The following CACNA1C variants were observed in gnomAD, a reference collection of about 807,000 sequenced individuals.
The protein encoded by CACNA1C is calcium voltage-gated channel subunit alpha1 C.
CACNA1C carries 30 observed loss-of-function variants against 229.0 expected under a neutral mutation model. That is an observed-to-expected ratio of 0.13 (90% CI 0.10 to 0.18). The LOEUF (loss-of-function observed/expected upper bound fraction) is 0.18. CACNA1C is among the 10% of genes least tolerant of loss of function. CACNA1C has a pLI of 1.00. For synonymous variants in CACNA1C, 1,114 were observed against 1,132.5 expected (o/e 0.98, Z 0.33); for missense variants, 1,658 against 2,845.0 (o/e 0.58, Z 9.49).
At chr12:2,516,139 A>G (rs927147888) in intron 9 of CACNA1C, among the ~76,000 whole-genome samples, 1 of 152,150 alleles carries the variant, frequency 6.6e-6, no homozygotes, top group Non-Finnish European at 1.5e-5. Flanking sequence ...GCAGCATTGG[A>G]ATAAAGACGT....
intron 1 of CACNA1C, among the ~76,000 whole-genome samples, chr12:2,056,367 T>G (rs570183572): frequency 6.6e-6 from 1 of 152,290 alleles, no homozygotes; most frequent in Admixed American, 6.5e-5. Context: ...TCTGGTGCCC[T>G]GTCTGCTCTG....
upstream of CACNA1C, among the ~76,000 whole-genome samples, chr12:2,050,961 G>A (rs2052055858): frequency 6.6e-6 from 1 of 152,106 alleles, no homozygotes; most frequent in Non-Finnish European, 1.5e-5. Context: ...TCTAGGCACT[G>A]GTGAACAAAA....
Position 2,004,624 on chromosome 12 carries a change from C to T in CACNA1C, c.139+33423C>T, listed in dbSNP as rs1406482380. 7.5e-5 allele frequency: 57 copies of T among 758,652 alleles called. No homozygotes were observed. In the East Asian group the frequency reaches 1.5e-3, roughly 21 times the overall value. 47.0% of individuals were successfully genotyped at this position (758,652 alleles called of 1,614,324 possible). ...TCACTAATCGATGGCCGCGCCCCGC[C>T]CACTGAGGATCGTTGCCACTGGCAA... On this transcript the variant is annotated intron_variant, in intron 1 of 46. Coordinates refer to the CACNA1C transcript ENST00000682462.
intron 3 of CACNA1C, among the ~76,000 whole-genome samples, chr12:2,350,625 G>A (rs115486782): frequency 1.4e-3 from 206 of 152,346 alleles, no homozygotes; most frequent in African/African-American, 4.3e-3. Flanking sequence ...TGAAGAGCCC[G>A]AATGCCTGGA....
rs1399040981 is a variant in CACNA1C, at chr12:2,693,252, TGAGGTGCAGG to T, written c.*2058_*2067del. The T allele has an allele frequency of 1.3e-5, 2 of 152,190 alleles. No individual in the cohort carries two copies. The highest frequency in any genetic ancestry group is 2.9e-5 in the Non-Finnish European group (2 of 68,030). The allele number at this position is 152,190 out of a possible 1,614,324, so 9.4% of individuals were successfully genotyped here. ...CTTCTCCAAGAACAGCCCTTCACTGTGAGGTGCAGGGAGGCGTTCTGATGAGCCCTCAGTC... is the reference window on the plus strand; with the variant it reads ...CTTCTCCAAGAACAGCCCTTCACTGTGAGGCGTTCTGATGAGCCCTCAGTC... On this transcript the variant is annotated 3_prime_UTR_variant, in exon 47 of 47. Coordinates refer to ENST00000399655, the MANE Select transcript of CACNA1C (RefSeq NM_000719.7).
intron 1 of CACNA1C, among the ~76,000 whole-genome samples, chr12:2,031,876 A>G (rs2048282186): frequency 6.6e-6 from 1 of 152,104 alleles, no homozygotes; most frequent in African/African-American, 2.4e-5. Flanking sequence ...CAGGAGAGAG[A>G]GGGCAGCTGT....
intron 3 of CACNA1C, among the ~76,000 whole-genome samples, chr12:2,264,761 CAA>C (rs1471518336): frequency 6.6e-6 from 1 of 152,224 alleles, no homozygotes; most frequent in Non-Finnish European, 1.5e-5. Flanking sequence ...AGTACTTCCT[CAA>C]GAGATATCTT....
chr12:2,613,204 T>A (rs529712719), intron 29 of CACNA1C: 1 of 152,350 alleles, frequency 6.6e-6, no homozygotes, highest in Admixed American at 6.5e-5. Context: ...CCATATCATG[T>A]GCTACATGTA....
chr12:2,300,877 G>C (rs765228689), intron 3 of CACNA1C, among the ~76,000 whole-genome samples: 2 of 152,164 alleles, frequency 1.3e-5, no homozygotes, highest in African/African-American at 4.8e-5. Flanking sequence ...GAAACTACAA[G>C]CAAATCCAAA....
intron 3 of CACNA1C, among the ~76,000 whole-genome samples, chr12:2,176,834 C>T (rs2096660193): frequency 6.6e-6 from 1 of 152,162 alleles, no homozygotes; most frequent in African/African-American, 2.4e-5. Context: ...TCACTTGACC[C>T]ATCTTCTTTC....
intron 3 of CACNA1C, among the ~76,000 whole-genome samples, chr12:2,428,325 CCTTTCAG>C (rs1189854571): frequency 6.6e-6 from 1 of 152,228 alleles, no homozygotes; most frequent in Non-Finnish European, 1.5e-5. Context: ...TCCTCCCCTG[CCTTTCAG>C]CTTTCTCTTC....
chr12:2,475,082 G>A (rs1189075198), intron 5 of CACNA1C, among the ~76,000 whole-genome samples: 3 of 152,064 alleles, frequency 2.0e-5, no homozygotes, highest in South Asian at 2.1e-4. Context: ...GGCGGATCAC[G>A]AGGTCAGGAG....
chr12:2,509,722 CA>C (rs1022679395), intron 8 of CACNA1C, among the ~76,000 whole-genome samples: 2 of 152,056 alleles, frequency 1.3e-5, no homozygotes, highest in African/African-American at 4.8e-5. Context: ...ACAAAAAGCA[CA>C]AAAATGAGAA....
At chr12:2,418,485 A>G (rs970766553) in intron 3 of CACNA1C, among the ~76,000 whole-genome samples, 4 of 152,032 alleles carry the variant, frequency 2.6e-5, no homozygotes, top group Non-Finnish European at 5.9e-5. Context: ...AGCCCTGCCC[A>G]CAGCAGACTG....
chr12:2,019,512 GAA>G, intron 1 of CACNA1C, among the ~76,000 whole-genome samples: 2 of 147,262 alleles, frequency 1.4e-5, no homozygotes, highest in Non-Finnish European at 3.0e-5. Context: ...AGGGAGGGAG[GAA>G]GGAAGGAAGG....
chr12:2,153,744 A>G (rs530919110), intron 3 of CACNA1C, among the ~76,000 whole-genome samples: 1 of 152,204 alleles, frequency 6.6e-6, no homozygotes, highest in East Asian at 1.9e-4. Flanking sequence ...GGCTCTCCTC[A>G]TTTCATCTTT....
chr12:2,550,565 G>A (rs1340045573), intron 10 of CACNA1C: 66 of 1,351,718 alleles, frequency 4.9e-5, no homozygotes, highest in Non-Finnish European at 6.5e-5. Context: ...GAAGTGCAGT[G>A]GAGCCTGCTG....
chr12:1,982,009 G>A (rs1454342791), intron 1 of CACNA1C, among the ~76,000 whole-genome samples: 1 of 152,204 alleles, frequency 6.6e-6, no homozygotes. Context: ...ACTACAGCCA[G>A]CTTTAAATGT....
At chr12:2,115,154 TC>T in intron 1 of CACNA1C, 69 bp from the exon 2 acceptor site, 1 of 1,212,204 alleles carries the variant, frequency 8.2e-7, no homozygotes. Flanking sequence ...GAATCTGGGG[TC>T]CAGAGAGTGT....
Sources: gnomAD v4.1 joint callset for allele counts (sites outside exome capture counted in the v4.1 genomes callset) on GRCh38, gnomAD v4.1.1 for gene constraint, MANE v1.5 for transcripts, NCBI Gene and HGNC (gene_info 2026-07-23, HGNC 2026-07-21) for gene names.